The following EMC8 variants were observed in gnomAD, a reference collection of about 807,000 sequenced individuals.
The protein encoded by EMC8 is COX4 neighbor.
Under a neutral mutation model 24.3 loss-of-function variants are expected in EMC8, and 11 were observed. The observed-to-expected ratio is 0.45, with a 90% confidence interval of 0.28 to 0.75. The LOEUF (loss-of-function observed/expected upper bound fraction) is 0.75. Ranked by LOEUF, EMC8 falls within the 30% of genes least tolerant of loss-of-function variation. EMC8 has a pLI of 0.12. For synonymous variants in EMC8, 145 were observed against 117.7 expected (o/e 1.23, Z -1.50); for missense variants, 277 against 282.7 (o/e 0.98, Z 0.14).
intron 4 of EMC8, 126 bp downstream of exon 4, chr16:85,780,253 G>C (rs558247943): frequency 1.4e-6 from 1 of 710,674 alleles, no homozygotes; most frequent in Non-Finnish European, 2.5e-6. Flanking sequence ...CAGGAGCCGG[G>C]GAATATGCTT....
rs544080685 is a variant in EMC8, at chr16:85,794,969, G to A, written c.231+4096C>T. On this transcript the variant is annotated intron_variant, in intron 1 of 4. Transcript: ENST00000253457. ...TCTGGGCATCTTTCCTCCCTGGTAAGTGGTTTGGGAGGCAGCCCTGCTCCC... is the reference window on the plus strand; with the variant it reads ...TCTGGGCATCTTTCCTCCCTGGTAAATGGTTTGGGAGGCAGCCCTGCTCCC... Among the ~76,000 whole-genome samples, 27 of 152,330 alleles carry A rather than the reference G, an allele frequency of 1.8e-4. No homozygotes were observed. The East Asian group carries it at 2.9e-3, about 16-fold the overall frequency.
At chr16:85,781,160 T>C in intron 3 of EMC8, 51 bp downstream of exon 3, 1 of 1,312,534 alleles carries the variant, frequency 7.6e-7, no homozygotes, top group Non-Finnish European at 1.1e-6. Flanking sequence ...AGCTCCAGGT[T>C]GGTGAGAGGA....
At position 85,799,459 on chromosome 16, in the gene EMC8, T is replaced by G; in HGVS notation, c.-164A>C. The G allele has an allele frequency of 2.5e-6, 1 of 403,356 alleles. No homozygotes were observed. 25.0% of individuals were successfully genotyped at this position (403,356 alleles called of 1,614,324 possible). On this transcript the variant is annotated 5_prime_UTR_variant, in exon 1 of 5. Transcript: ENST00000253457. The surrounding 1 kb of genome is among the most constrained non-coding windows in gnomAD (Gnocchi z 4.2). ...CTTCAGGCCCGGCCCCGTTTGGGCC[T>G]CGGCTCCTGGAAAAGCGACTCGCGC...
Position 85,788,963 on chromosome 16 carries a change from C to T in EMC8, c.308+11G>A, listed in dbSNP as rs747503145. ...ACTTCCTCGCCCACAGAGGGTTCTGCATCCACGTACCTGGCATCCTTTACT... is the reference window on the plus strand; with the variant it reads ...ACTTCCTCGCCCACAGAGGGTTCTGTATCCACGTACCTGGCATCCTTTACT... On this transcript the variant is annotated intron_variant, in intron 2 of 4. Coordinates refer to ENST00000253457, the MANE Select transcript of EMC8 (RefSeq NM_006067.5). 1.2e-6 allele frequency: 2 copies of T among 1,600,196 alleles called. No homozygotes were observed. Among genetic ancestry groups the T allele is most frequent in the Admixed American group, 3.3e-5 (2 of 60,018 alleles).
chr16:85,779,492 C>A lies in EMC8; in HGVS notation c.*216G>T. 1.9e-6 allele frequency: 1 copy of A among 517,418 alleles called. No homozygotes were observed. The highest frequency in any genetic ancestry group is 1.9e-5 in the African/African-American group (1 of 52,336). The allele number at this position is 517,418 out of a possible 1,614,324, so 32.1% of individuals were successfully genotyped here. ...ATAGCAACATACAACTGAGAGAGTC[C>A]ACAGGGACAGTCAGACGGGATGTCT... is the stretch of plus-strand genomic sequence containing the variant. On this transcript the variant is annotated 3_prime_UTR_variant, in exon 5 of 5. Transcript: ENST00000253457.
chr16:85,794,976 G>C (rs917424501), intron 1 of EMC8, among the ~76,000 whole-genome samples: 5 of 152,184 alleles, frequency 3.3e-5, no homozygotes, highest in African/African-American at 1.2e-4. Flanking sequence ...TAAGTGGTTT[G>C]GGAGGCAGCC....
Position 85,779,848 on chromosome 16 carries a change from G to C in EMC8, c.493C>G (p.Pro165Ala), listed in dbSNP as rs755576039. The change falls in exon 5 of 5, where the codon CCA becomes GCA. Residue 165 changes from proline (P) to alanine (A), a missense_variant. Pro to Ala is a conservative substitution (Grantham distance 27). Transcript: ENST00000253457. The stretch of plus-strand genomic sequence containing the variant: ...GAGGCTGAGATCCTCTGTGCCTCTG[G>C]CCAGTCTTCACAGTAGTCACTACGG... ...DPHHDYCEDWPEAQRISASLL... is the reference protein window; with the variant it reads ...DPHHDYCEDWAEAQRISASLL... 6.2e-7 allele frequency: 1 copy of C among 1,614,076 alleles called. No individual in the cohort carries two copies. Among genetic ancestry groups the C allele is most frequent in the East Asian group, 2.2e-5 (1 of 44,888 alleles).
chr16:85,795,525 G>A (rs1033506720), intron 1 of EMC8, among the ~76,000 whole-genome samples: 3 of 131,694 alleles, frequency 2.3e-5, no homozygotes, highest in Admixed American at 8.0e-5. Flanking sequence ...TTCCCTCTCC[G>A]CCTTTCTGAC....
intron 1 of EMC8, among the ~76,000 whole-genome samples, chr16:85,795,542 T>C (rs1179564419): frequency 3.8e-3 from 1 of 260 alleles, no homozygotes; most frequent in African/African-American, 9.3e-3. Flanking sequence ...TGACGGTGGG[T>C]CTTAAGACCT....
intron 1 of EMC8, among the ~76,000 whole-genome samples, chr16:85,794,025 G>A (rs1417355780): frequency 6.6e-6 from 1 of 152,152 alleles, no homozygotes; most frequent in Non-Finnish European, 1.5e-5. Context: ...ACAGTCTATG[G>A]TCTTTCCCCT....
At chr16:85,785,767 C>A (rs437786) in intron 2 of EMC8, among the ~76,000 whole-genome samples, 1 of 151,936 alleles carries the variant, frequency 6.6e-6, no homozygotes, top group African/African-American at 2.4e-5. Context: ...CAGCTGCCAA[C>A]TGAAACTGCA....
intron 2 of EMC8, among the ~76,000 whole-genome samples, chr16:85,783,061 A>C (rs1053106962): frequency 6.6e-6 from 1 of 152,144 alleles, no homozygotes; most frequent in Non-Finnish European, 1.5e-5. Context: ...GCACTTTCGG[A>C]GGCCGAGGCA....
At chr16:85,787,819 C>T (rs1904822759) in intron 2 of EMC8, among the ~76,000 whole-genome samples, 1 of 152,188 alleles carries the variant, frequency 6.6e-6, no homozygotes, top group African/African-American at 2.4e-5. Flanking sequence ...GGACCCAGCC[C>T]TCCTAGGGTA....
At chr16:85,797,192 G>C (rs1470892151) in intron 1 of EMC8, among the ~76,000 whole-genome samples, 1 of 152,186 alleles carries the variant, frequency 6.6e-6, no homozygotes, top group Non-Finnish European at 1.5e-5. Flanking sequence ...CGTATTACTT[G>C]AGGTAAGGAG....
intron 3 of EMC8, 127 bp from the exon 4 acceptor site, chr16:85,780,600 C>T (rs1904445117): frequency 1.5e-6 from 1 of 677,292 alleles, no homozygotes; most frequent in Non-Finnish European, 2.7e-6. Context: ...TCCGACAGAG[C>T]CTGTATGCAG....
chr16:85,780,820 C>A (rs1460764215), intron 3 of EMC8: 2 of 445,698 alleles, frequency 4.5e-6, no homozygotes, highest in Non-Finnish European at 8.2e-6. Flanking sequence ...AGAGGCTGTG[C>A]TGGCTGTTCT....
intron 1 of EMC8, among the ~76,000 whole-genome samples, chr16:85,795,543 C>G (rs1475799243): frequency 0.018 from 2 of 110 alleles, no homozygotes; most frequent in Non-Finnish European, 0.048. Context: ...GACGGTGGGT[C>G]TTAAGACCTC....
At chr16:85,781,470 G>T in intron 2 of EMC8, 190 bp from the exon 3 acceptor site, 1 of 546,884 alleles carries the variant, frequency 1.8e-6, no homozygotes, top group Non-Finnish European at 3.3e-6. Context: ...TTGCTCTGCT[G>T]CCCTAGCTGG....
intron 2 of EMC8, chr16:85,784,602 A>G (rs1199649095): frequency 6.6e-6 from 1 of 152,106 alleles, no homozygotes; most frequent in Non-Finnish European, 1.5e-5. Flanking sequence ...TGAAGAAAGC[A>G]GTGCGATGGT....
Sources: gnomAD v4.1 joint callset for allele counts (sites outside exome capture counted in the v4.1 genomes callset) on GRCh38, gnomAD v4.1.1 for gene constraint, Gnocchi (gnomAD v3.1) non-coding constraint, MANE v1.5 for transcripts, NCBI Gene and HGNC (gene_info 2026-07-23, HGNC 2026-07-21) for gene names.